Variants in CD36 observed in about 807,000 individuals in gnomAD.
CD36 encodes the protein platelet glycoprotein 4.
A neutral mutation model predicts 55.2 loss-of-function variants in CD36; 119 were observed. The ratio of observed to expected loss-of-function variants is 2.15; its 90% CI spans 1.86 to 2.51. The LOEUF is 2.51. Ranked by LOEUF, CD36 falls within the 30% of genes most tolerant of loss-of-function variation. CD36 has a pLI of 0.00. For missense variants in CD36, 819 were observed against 555.5 expected, an observed-to-expected ratio of 1.47 and a Z score of -4.77; for synonymous variants, 186 against 193.6, an observed-to-expected ratio of 0.96 and a Z score of 0.33.
upstream of CD36, among the ~76,000 whole-genome samples, chr7:80,637,382 C>A (rs9918530): frequency 0.12 from 17,954 of 151,684 alleles, 1,510 homozygotes; most frequent in East Asian, 0.34. Flanking sequence ...TTATTCTTTT[C>A]TAACTGAAAG....
intron 1 of CD36, among the ~76,000 whole-genome samples, chr7:80,619,670 A>AG (rs397692584): frequency 6.6e-6 from 1 of 150,972 alleles, no homozygotes; most frequent in African/African-American, 2.4e-5. Context: ...AAAAAAAAAA[A>AG]GGCTATAATT....
intron 1 of CD36, among the ~76,000 whole-genome samples, chr7:80,602,788 C>G (rs1262434718): frequency 2.0e-5 from 3 of 152,044 alleles, no homozygotes; most frequent in Non-Finnish European, 4.4e-5. Flanking sequence ...CAGAAGGATG[C>G]TCTAAAAATC....
intron 3 of CD36, among the ~76,000 whole-genome samples, chr7:80,656,039 G>A (rs999412153): frequency 1.3e-5 from 2 of 151,984 alleles, no homozygotes; most frequent in Non-Finnish European, 2.9e-5. Flanking sequence ...TCTTAATGTA[G>A]TGAGTGTTAA....
At chr7:80,669,928 C>T (rs769831794) in intron 8 of CD36, 25 bp from the exon 9 acceptor site, 2 of 1,555,650 alleles carry the variant, frequency 1.3e-6, no homozygotes, top group South Asian at 1.1e-5. Flanking sequence ...TACATCTAAT[C>T]ATTTGCCACT....
chr7:80,653,803 A>G (rs1429477006), intron 3 of CD36, among the ~76,000 whole-genome samples: 1 of 152,192 alleles, frequency 6.6e-6, no homozygotes, highest in Non-Finnish European at 1.5e-5. Flanking sequence ...TTTAATACAT[A>G]TAGTAGTGGT....
chr7:80,662,189 C>T (rs907006108), intron 5 of CD36: 3 of 152,352 alleles, frequency 2.0e-5, no homozygotes, highest in African/African-American at 7.2e-5. Context: ...CCTTGCTTAT[C>T]GGAGGTGCAT....
intron 3 of CD36, among the ~76,000 whole-genome samples, chr7:80,651,200 A>G (rs1795585482): frequency 6.6e-6 from 1 of 152,128 alleles, no homozygotes; most frequent in African/African-American, 2.4e-5. Context: ...ACACGTGGAT[A>G]TAAAGAAGGG....
rs142394293 is a variant in CD36, at chr7:80,633,601, TA to T, written c.-183-12486del. On this transcript the variant is annotated intron_variant, in intron 1 of 13. Coordinates refer to the CD36 transcript ENST00000309881. ...CAATTTAATATTCAAATTACATAGA[TA>T]TTTTTTATTACTGCATGTGAAGTCC... 8.6e-3 allele frequency among the ~76,000 whole-genome samples: 1,302 copies of T among 152,190 alleles called. 62 individuals are homozygous for T. The East Asian group carries it at 0.11, about 12-fold the overall frequency.
At chr7:80,661,760 C>G (rs1796549542) in intron 5 of CD36, among the ~76,000 whole-genome samples, 1 of 152,126 alleles carries the variant, frequency 6.6e-6, no homozygotes, top group Non-Finnish European at 1.5e-5. Context: ...AGTATATAAA[C>G]TTGATGGAAT....
At chr7:80,632,696 A>C (rs1794155031) in intron 1 of CD36, among the ~76,000 whole-genome samples, 1 of 152,040 alleles carries the variant, frequency 6.6e-6, no homozygotes. Context: ...AAATAAGAAA[A>C]ACCTAATATT....
intron 1 of CD36, among the ~76,000 whole-genome samples, chr7:80,613,402 C>A (rs1266861961): frequency 6.6e-6 from 1 of 152,054 alleles, no homozygotes; most frequent in Non-Finnish European, 1.5e-5. Context: ...TAATAAGCTA[C>A]TTTGATTCTA....
chr7:80,653,960 C>T (rs887318636), intron 3 of CD36, among the ~76,000 whole-genome samples: 5 of 152,142 alleles, frequency 3.3e-5, no homozygotes, highest in African/African-American at 1.2e-4. Flanking sequence ...TGTCACATAA[C>T]ATTGAGTCAG....
At chr7:80,632,534 A>T (rs1024819235) in intron 1 of CD36, among the ~76,000 whole-genome samples, 1 of 151,994 alleles carries the variant, frequency 6.6e-6, no homozygotes, top group African/African-American at 2.4e-5. Context: ...TGTCAATATA[A>T]TTTTTTAAAA....
rs1305910271 is a variant in CD36 at position 80,673,999 on chromosome 7, A to G, written c.1271A>G (p.Asp424Gly). The G allele has an allele frequency of 5.0e-6, 8 of 1,612,192 alleles. No individual in the cohort carries two copies. The highest frequency in any genetic ancestry group is 5.9e-6 in the Non-Finnish European group (7 of 1,178,720). Residue 424 changes from aspartate (D) to glycine (G), a missense_variant, in exon 14 of 15, where the codon GAT (aspartate) becomes GGT (glycine). Asp to Gly is a moderately conservative substitution (Grantham distance 94, BLOSUM62 -1). Transcript: ENST00000447544. Reference protein sequence around the residue: ...LWLNETGTIGDEKANMFRSQV... With the variant: ...LWLNETGTIGGEKANMFRSQV... ...TGATTACAGACTGGGACCATTGGTGATGAGAAGGCAAACATGTTCAGAAGT... is the reference window on the plus strand; with the variant it reads ...TGATTACAGACTGGGACCATTGGTGGTGAGAAGGCAAACATGTTCAGAAGT...
intron 8 of CD36, among the ~76,000 whole-genome samples, chr7:80,669,337 T>TA (rs986804098): frequency 5.9e-5 from 9 of 152,206 alleles, no homozygotes; most frequent in Non-Finnish European, 1.2e-4. Context: ...GCTGTAAATA[T>TA]AAAATGCACA....
chr7:80,638,255 A>G (rs1322544426), upstream of CD36, among the ~76,000 whole-genome samples: 2 of 152,034 alleles, frequency 1.3e-5, no homozygotes. Context: ...CAGTCAAGAC[A>G]GGGAAGTGAG....
chr7:80,659,090 T>G (rs1039906370), intron 4 of CD36, among the ~76,000 whole-genome samples: 1 of 152,192 alleles, frequency 6.6e-6, no homozygotes, highest in African/African-American at 2.4e-5. Flanking sequence ...TGTCTCAGCA[T>G]GTCACCAAAA....
chr7:80,640,598 C>A (rs1369470699), intron 1 of CD36, among the ~76,000 whole-genome samples: 1 of 151,912 alleles, frequency 6.6e-6, no homozygotes, highest in East Asian at 1.9e-4. Context: ...TTTATAGTGT[C>A]TGTTTATAGT....
intron 7 of CD36, 139 bp downstream of exon 7, chr7:80,664,636 T>C: frequency 1.5e-6 from 1 of 676,022 alleles, no homozygotes; most frequent in Non-Finnish European, 2.8e-6. Context: ...AAACTCCTGT[T>C]CTGCTAGGTA....
Sources: allele counts gnomAD v4.1 joint callset (sites outside exome capture counted in the v4.1 genomes callset), GRCh38; gene constraint gnomAD v4.1.1; transcripts MANE v1.5; gene names NCBI Gene and HGNC (gene_info 2026-07-23, HGNC 2026-07-21).